ALPK1: variants seen among roughly 807,000 people sequenced by gnomAD.
ALPK1 encodes the protein alpha-protein kinase 1.
Under a neutral mutation model 120.6 loss-of-function variants are expected in ALPK1, and 110 were observed. The observed-to-expected ratio is 0.91, with a 90% CI of 0.78 to 1.07. The LOEUF (loss-of-function observed/expected upper bound fraction) is 1.07. Ranked by LOEUF, ALPK1 falls within the 50% of genes least tolerant of loss-of-function variation. ALPK1 has a pLI of 0.00. For synonymous variants in ALPK1, 582 were observed against 560.3 expected (o/e 1.04, Z -0.55); for missense variants, 1,498 against 1,483.9 (o/e 1.01, Z -0.16).
chr4:112,317,446 T>C (rs1560634230), intron 2 of ALPK1, among the ~76,000 whole-genome samples: 1 of 152,142 alleles, frequency 6.6e-6, no homozygotes, highest in Non-Finnish European at 1.5e-5. Flanking sequence ...CTCACTTCAT[T>C]CTTCTGTATG....
At chr4:112,378,033 T>A in intron 3 of ALPK1, 135 bp downstream of exon 3, 1 of 1,073,120 alleles carries the variant, frequency 9.3e-7, no homozygotes, top group Non-Finnish European at 1.2e-6. Context: ...AGTGGATTTC[T>A]AGGGCATGAA....
At position 112,332,119 on chromosome 4, in the gene ALPK1, C is replaced by T. The variant is rs372012349; in HGVS notation, c.-101+16267C>T. ...TGATTTGCCACAGTCACTCACTCTA[C>T]GGTCCCAAGGGCTAAGTGGCAAGAG... is the stretch of plus-strand genomic sequence containing the variant. On this transcript the variant is annotated intron_variant, in intron 2 of 15. Coordinates refer to ENST00000650871, the MANE Select transcript of ALPK1 (RefSeq NM_025144.4). Among the ~76,000 whole-genome samples the T allele has an allele frequency of 5.9e-5, 9 of 152,284 alleles. No individual in the cohort carries two copies. The South Asian group carries it at 8.3e-4, about 14-fold the overall frequency.
chr4:112,357,126 A>G, intron 2 of ALPK1: 1 of 1,290,386 alleles, frequency 7.7e-7, no homozygotes, highest in Non-Finnish European at 1.1e-6. Context: ...GATGCTGTTG[A>G]GCTGCCTGGA....
intron 4 of ALPK1, among the ~76,000 whole-genome samples, chr4:112,388,649 A>G (rs1236817114): frequency 6.6e-6 from 1 of 151,732 alleles, no homozygotes; most frequent in Non-Finnish European, 1.5e-5. Flanking sequence ...CACAAAGTGT[A>G]GATAAACTCT....
At chr4:112,401,281 G>A (rs1732902754) in intron 4 of ALPK1, among the ~76,000 whole-genome samples, 1 of 152,224 alleles carries the variant, frequency 6.6e-6, no homozygotes, top group Non-Finnish European at 1.5e-5. Flanking sequence ...AAAGAGGCAA[G>A]TGAGGACATG....
chr4:112,311,310 A>G (rs1001414315), intron 1 of ALPK1, among the ~76,000 whole-genome samples: 1 of 152,218 alleles, frequency 6.6e-6, no homozygotes, highest in African/African-American at 2.4e-5. Flanking sequence ...TTATTCTTTA[A>G]TAAGTATTTG....
At chr4:112,404,194 A>G (rs1733062783) in intron 4 of ALPK1, among the ~76,000 whole-genome samples, 1 of 152,240 alleles carries the variant, frequency 6.6e-6, no homozygotes, top group Admixed American at 6.5e-5. Flanking sequence ...TAGATGTTAC[A>G]TGCATGACCC....
At chr4:112,363,371 A>T (rs1303899516) in intron 2 of ALPK1, among the ~76,000 whole-genome samples, 1 of 152,244 alleles carries the variant, frequency 6.6e-6, no homozygotes, top group Admixed American at 6.5e-5. Flanking sequence ...AAGATATTGC[A>T]TGCAAATGGA....
chr4:112,342,906 G>A (rs1157778961), intron 2 of ALPK1: 1 of 152,162 alleles, frequency 6.6e-6, no homozygotes, highest in Admixed American at 6.5e-5. Context: ...CTTATTGCTG[G>A]GGCCCAGAAT....
chr4:112,321,500 C>A (rs1728865928), intron 2 of ALPK1, among the ~76,000 whole-genome samples: 1 of 152,150 alleles, frequency 6.6e-6, no homozygotes, highest in South Asian at 2.1e-4. Context: ...GAACTTTCCT[C>A]TTATCACTGC....
chr4:112,422,555 C>T (rs1560680911), intron 5 of ALPK1, among the ~76,000 whole-genome samples: 1 of 152,212 alleles, frequency 6.6e-6, no homozygotes, highest in Non-Finnish European at 1.5e-5. Context: ...CAACACCCTT[C>T]AAGTCTCCAA....
chr4:112,381,152 C>T (rs1360462299), intron 3 of ALPK1, among the ~76,000 whole-genome samples: 1 of 152,040 alleles, frequency 6.6e-6, no homozygotes, highest in Non-Finnish European at 1.5e-5. Context: ...CTGGACGGAG[C>T]AAGATTCAGA....
At chr4:112,366,055 C>G (rs1731138047) in intron 2 of ALPK1, among the ~76,000 whole-genome samples, 1 of 152,072 alleles carries the variant, frequency 6.6e-6, no homozygotes, top group Non-Finnish European at 1.5e-5. Flanking sequence ...CAAAAATCAA[C>G]TCAAGATGGA....
intron 2 of ALPK1, among the ~76,000 whole-genome samples, chr4:112,320,601 T>A (rs780337834): frequency 2.0e-5 from 3 of 152,310 alleles, no homozygotes; most frequent in Admixed American, 6.5e-5. Context: ...TTTGGAATAG[T>A]TTCAATAGGA....
chr4:112,431,166 C>T lies in ALPK1; in HGVS notation c.1619C>T (p.Thr540Ile). The T allele has an allele frequency of 6.2e-7, 1 of 1,614,136 alleles. No homozygotes were observed. The highest frequency in any genetic ancestry group is 8.5e-7 in the Non-Finnish European group (1 of 1,180,024). Residue 540 changes from threonine (T) to isoleucine (I), a missense_variant, in exon 11 of 16, where the codon ACC becomes ATC. Physicochemically the swap from Thr to Ile is moderately conservative, Grantham distance 89. Coordinates refer to ENST00000650871, the MANE Select transcript of ALPK1 (RefSeq NM_025144.4). ...ELRRGGRRNW[T>I]HSDAFRVSLD... is the part of the protein sequence containing the mutation. ...AGAAGGGGAGGAAGGAGAAACTGGA[C>T]CCATTCTGATGCATTTCGAGTCTCC...
At chr4:112,334,814 GA>G (rs1160043387) in intron 2 of ALPK1, among the ~76,000 whole-genome samples, 1 of 151,962 alleles carries the variant, frequency 6.6e-6, no homozygotes, top group Admixed American at 6.6e-5. Flanking sequence ...AGCTGGATGA[GA>G]AAAAAAATCC....
intron 1 of ALPK1, among the ~76,000 whole-genome samples, chr4:112,309,607 C>T (rs535027992): frequency 6.6e-5 from 10 of 152,026 alleles, no homozygotes; most frequent in African/African-American, 1.5e-4. Context: ...AGAAATCACC[C>T]GTCTTCTGCA....
rs574796808 is a variant in ALPK1 at position 112,407,322 on chromosome 4, G to T, written c.277-4505G>T. On this transcript the variant is annotated intron_variant, in intron 4 of 15. Coordinates refer to ENST00000650871, the MANE Select transcript of ALPK1 (RefSeq NM_025144.4). ...TATGTTATGCATTTTTTACCACTAT[G>T]AAAGAGAGAAACCAGGAACACTGGC... Among the ~76,000 whole-genome samples the T allele has an allele frequency of 3.9e-5, 6 of 152,264 alleles. No homozygotes were observed. The East Asian group carries it at 1.2e-3, about 29-fold the overall frequency.
At chr4:112,405,661 C>T (rs1274206915) in intron 4 of ALPK1, among the ~76,000 whole-genome samples, 2 of 152,056 alleles carry the variant, frequency 1.3e-5, no homozygotes, top group Non-Finnish European at 2.9e-5. Context: ...CTGCAACCCC[C>T]GCCTCCCAGA....
Sources: gnomAD v4.1 joint callset for allele counts (sites outside exome capture counted in the v4.1 genomes callset) on GRCh38, gnomAD v4.1.1 for gene constraint, MANE v1.5 for transcripts, NCBI Gene and HGNC (gene_info 2026-07-23, HGNC 2026-07-21) for gene names.